The following PTPN13 variants were observed in gnomAD, a reference collection of about 807,000 sequenced individuals.
PTPN13 encodes the protein protein tyrosine phosphatase non-receptor type 13.
Under a neutral mutation model 284.0 loss-of-function variants are expected in PTPN13, and 191 were observed. The observed-to-expected ratio is 0.67, with a 90% CI of 0.60 to 0.76. The LOEUF (loss-of-function observed/expected upper bound fraction) is 0.76. Among genes scored for constraint, PTPN13 ranks in the 30% least tolerant of loss-of-function variants. PTPN13 has a pLI of 0.00. For missense variants in PTPN13, 2,797 were observed against 2,939.9 expected, an observed-to-expected ratio of 0.95 and a Z score of 1.12; for synonymous variants, 986 against 1,022.3, an observed-to-expected ratio of 0.96 and a Z score of 0.68.
At chr4:86,677,260 C>G (rs1244163122) in intron 3 of PTPN13, among the ~76,000 whole-genome samples, 3 of 151,448 alleles carry the variant, frequency 2.0e-5, no homozygotes, top group African/African-American at 7.3e-5. Flanking sequence ...GAGCAAGACT[C>G]TGTCTCAAAA....
chr4:86,795,416 T>C (rs181396782), intron 40 of PTPN13, among the ~76,000 whole-genome samples: 7 of 152,248 alleles, frequency 4.6e-5, no homozygotes, highest in African/African-American at 1.7e-4. Context: ...TGTGGAGAAA[T>C]AGGAACGCTT....
intron 17 of PTPN13, among the ~76,000 whole-genome samples, chr4:86,746,500 TA>T (rs59218095): frequency 0.019 from 2,834 of 152,250 alleles, 81 homozygotes; most frequent in African/African-American, 0.065. Context: ...AGAATCATGA[TA>T]GGGGTGGAGG....
At position 86,783,821 on chromosome 4, in the gene PTPN13, A is replaced by G. The variant is rs571898303; in HGVS notation, c.6025-644A>G. ...CAAGTGATTTTTCTTTTGATAGGCT[A>G]TGCTCCATGAAGTGCTTTACAGTTG... On this transcript the variant is annotated intron_variant, in intron 37 of 47. Coordinates refer to ENST00000411767, the MANE Select transcript of PTPN13 (RefSeq NM_080683.3). 7.2e-5 allele frequency among the ~76,000 whole-genome samples: 11 copies of G among 152,056 alleles called. 1 individual carries two copies. In the South Asian group the frequency reaches 2.1e-3, roughly 29 times the overall value.
chr4:86,691,560 T>C (rs1428977970), intron 5 of PTPN13, among the ~76,000 whole-genome samples: 1 of 152,218 alleles, frequency 6.6e-6, no homozygotes, highest in East Asian at 1.9e-4. Flanking sequence ...GTTTTTTAAG[T>C]GTTTGTTTAC....
chr4:86,774,088 A>G (rs1740320273), intron 32 of PTPN13, among the ~76,000 whole-genome samples: 2 of 152,098 alleles, frequency 1.3e-5, no homozygotes, highest in African/African-American at 4.8e-5. Context: ...ATTTATCCTA[A>G]AAATATAAGA....
chr4:86,732,762 C>A lies in PTPN13; in HGVS notation c.1854C>A (p.Leu618=), dbSNP rs1156613540. 2 of 1,611,482 alleles carry A rather than the reference C, an allele frequency of 1.2e-6. No individual in the cohort carries two copies. Among genetic ancestry groups the A allele is most frequent in the Admixed American group, 3.3e-5 (2 of 59,796 alleles). ...ATCATTTGTTTGCTTTAGCTACCCT[C>A]AAAGGTACCAAGACATTTTATATTC... The part of the protein sequence containing the change: ...VEHHLFALAT[L]KDNEYFFVDP... Residue 618 remains leucine, a synonymous_variant, in exon 12 of 48, where the codon CTC becomes CTA. Transcript: ENST00000411767.
At chr4:86,705,976 T>C (rs972617214) in intron 7 of PTPN13, among the ~76,000 whole-genome samples, 1 of 152,180 alleles carries the variant, frequency 6.6e-6, no homozygotes, top group Non-Finnish European at 1.5e-5. Context: ...TCTGATAATA[T>C]AGCTTTTTCC....
At chr4:86,733,068 T>C (rs1735116081) in intron 12 of PTPN13, among the ~76,000 whole-genome samples, 1 of 152,124 alleles carries the variant, frequency 6.6e-6, no homozygotes, top group South Asian at 2.1e-4. Context: ...ACATGTGTAC[T>C]CTAGAAATTA....
chr4:86,740,647 G>C (rs143462741), intron 15 of PTPN13, among the ~76,000 whole-genome samples: 21,974 of 152,134 alleles, frequency 0.14, 2,006 homozygotes, highest in East Asian at 0.27. Flanking sequence ...TTGGCTCCTT[G>C]TTACTTATGT....
intron 27 of PTPN13, 145 bp from the exon 28 acceptor site, chr4:86,767,670 ATT>A: frequency 1.7e-5 from 9 of 531,588 alleles, no homozygotes; most frequent in East Asian, 3.4e-5. Flanking sequence ...TTGTTCCTCT[ATT>A]TTTTTTTTCT....
At chr4:86,697,721 A>C (rs1014295648) in intron 6 of PTPN13, among the ~76,000 whole-genome samples, 1 of 152,188 alleles carries the variant, frequency 6.6e-6, no homozygotes, top group Non-Finnish European at 1.5e-5. Flanking sequence ...GTGAGGATAC[A>C]TGGGGACTTG....
chr4:86,716,909 T>TG, intron 8 of PTPN13, 115 bp from the exon 9 acceptor site: 2 of 705,112 alleles, frequency 2.8e-6, no homozygotes, highest in Non-Finnish European at 4.7e-6. Context: ...TCATTAATTT[T>TG]GTTCTGTGGA....
chr4:86,610,029 C>A (rs1167876895), intron 1 of PTPN13, among the ~76,000 whole-genome samples: 3 of 152,038 alleles, frequency 2.0e-5, no homozygotes, highest in African/African-American at 7.2e-5. Flanking sequence ...TTAGATTCAA[C>A]ATGGTGAAAC....
At position 86,753,138 on chromosome 4, in the gene PTPN13, C is replaced by T. The variant is rs139844279; in HGVS notation, c.3223+73C>T. ...CTTACTGAGATAGTCTTGGACCTAACAATGAAGAGTCTTGAGTTCCATGCC... is the reference window on the plus strand; with the variant it reads ...CTTACTGAGATAGTCTTGGACCTAATAATGAAGAGTCTTGAGTTCCATGCC... On this transcript the variant is annotated intron_variant, in intron 20 of 47. Transcript: ENST00000411767. 286 of 1,174,328 alleles carry T rather than the reference C, an allele frequency of 2.4e-4. 1 individual carries two copies. In the African/African-American group the frequency reaches 3.7e-3, roughly 15 times the overall value. The allele number at this position is 1,174,328 out of a possible 1,614,324, so 72.7% of individuals were successfully genotyped here.
At chr4:86,735,868 A>C in intron 15 of PTPN13, 122 bp downstream of exon 15, 441 of 808,654 alleles carry the variant, frequency 5.5e-4, no homozygotes, top group Non-Finnish European at 6.6e-4. Context: ...ATCTCATCTC[A>C]TTGCTGGCTA....
In PTPN13 at chr4:86,734,412, GT is replaced by G; in HGVS notation, c.1973del (p.Phe658SerfsTer12). On this transcript the variant is annotated frameshift_variant, in exon 13 of 48. Coordinates refer to ENST00000411767, the MANE Select transcript of PTPN13 (RefSeq NM_080683.3). LOFTEE classifies it high-confidence loss of function. The stretch of plus-strand genomic sequence containing the variant: ...CCAAAGCCACTGTTAATTTTACTTT[GT>G]TTTTCAGAATTAAATTTTTTATGGA... ...KTKATVNFTL[F>X]FRIKFFMDDV... The G allele has an allele frequency of 1.3e-6, 2 of 1,559,022 alleles. No individual in the cohort carries two copies. Among genetic ancestry groups the G allele is most frequent in the Non-Finnish European group, 8.7e-7 (1 of 1,149,642 alleles).
At chr4:86,638,229 A>G (rs979130024) in intron 2 of PTPN13, among the ~76,000 whole-genome samples, 2 of 152,216 alleles carry the variant, frequency 1.3e-5, no homozygotes, top group African/African-American at 4.8e-5. Context: ...GGAAGAGTCA[A>G]TATCGTGAAA....
chr4:86,610,211 A>AAAAAT (rs778205519), intron 1 of PTPN13, among the ~76,000 whole-genome samples: 22 of 152,052 alleles, frequency 1.4e-4, no homozygotes, highest in Admixed American at 7.2e-4. Context: ...ACTCCATCTC[A>AAAAAT]AAAATAAAAT....
rs187739825 is a variant in PTPN13, at chr4:86,736,193, G to C, written c.2304+447G>C. ...GTCTTCCCACTAAATGCCAATTAATGTAGATAGGGGTAGAGAGTCACAAAA... is the reference window on the plus strand; with the variant it reads ...GTCTTCCCACTAAATGCCAATTAATCTAGATAGGGGTAGAGAGTCACAAAA... On this transcript the variant is annotated intron_variant, in intron 15 of 47. Transcript: ENST00000411767. Among the ~76,000 whole-genome samples the C allele has an allele frequency of 1.3e-3, 191 of 152,282 alleles. 3 individuals are homozygous for C. The South Asian group carries it at 0.026, about 21-fold the overall frequency.
Sources: allele counts gnomAD v4.1 joint callset (sites outside exome capture counted in the v4.1 genomes callset), GRCh38; gene constraint gnomAD v4.1.1; transcripts MANE v1.5; gene names NCBI Gene and HGNC (gene_info 2026-07-23, HGNC 2026-07-21).